Variants in PNPLA1 observed in about 807,000 individuals in gnomAD.
PNPLA1 encodes patatin like domain 1, omega-hydroxyceramide transacylase.
Under a neutral mutation model 51.7 loss-of-function variants are expected in PNPLA1, and 36 were observed. The ratio of observed to expected loss-of-function variants is 0.70; its 90% CI spans 0.53 to 0.92. The LOEUF (loss-of-function observed/expected upper bound fraction) is 0.92. Among genes scored for constraint, PNPLA1 ranks in the 40% least tolerant of loss-of-function variants. The pLI, the probability that PNPLA1 is intolerant of heterozygous loss-of-function variation, is 0.00. For synonymous variants in PNPLA1, 293 were observed against 280.1 expected, an observed-to-expected ratio of 1.05 and a Z score of -0.46; for missense variants, 658 against 682.5, an observed-to-expected ratio of 0.96 and a Z score of 0.40.
intron 1 of PNPLA1, among the ~76,000 whole-genome samples, chr6:36,271,286 C>G (rs1769909032): frequency 6.6e-6 from 1 of 152,182 alleles, no homozygotes; most frequent in South Asian, 2.1e-4. Context: ...AACTGCTACA[C>G]TGCTAACCCA....
In PNPLA1 at chr6:36,302,319, G is replaced by A. The variant is rs778144427; in HGVS notation, c.1234G>A (p.Ala412Thr). The change falls in exon 6 of 9, where the codon GCC becomes ACC. Residue 412 changes from alanine (A) to threonine (T), a missense_variant. Coordinates refer to ENST00000636260, the MANE Select transcript of PNPLA1 (RefSeq NM_001374623.1). ...QQQVQPSGSP[A>T]RSLHSQAPTS... ...GCAGGTACAACCGTCTGGATCACCA[G>A]CCAGATCCCTACACTCTCAGGCACC... The A allele has an allele frequency of 1.9e-6, 3 of 1,614,032 alleles. No individual in the cohort carries two copies. Among genetic ancestry groups the A allele is most frequent in the South Asian group, 2.2e-5 (2 of 91,080 alleles).
At chr6:36,260,206 C>T (rs1177716105) in intron 1 of PNPLA1, among the ~76,000 whole-genome samples, 1 of 151,958 alleles carries the variant, frequency 6.6e-6, no homozygotes, top group African/African-American at 2.4e-5. Flanking sequence ...AGGAGGATTG[C>T]TTGAGCCCAA....
chr6:36,260,514 G>A (rs931588644), intron 1 of PNPLA1, among the ~76,000 whole-genome samples: 3 of 152,176 alleles, frequency 2.0e-5, no homozygotes, highest in Non-Finnish European at 2.9e-5. Context: ...TTCAGAAGGT[G>A]CAAAAGTATT....
At chr6:36,305,744 T>C (rs1771209573) in intron 6 of PNPLA1, among the ~76,000 whole-genome samples, 1 of 151,412 alleles carries the variant, frequency 6.6e-6, no homozygotes, top group South Asian at 2.1e-4. Context: ...TTCTTTTCTT[T>C]TCCTTATTTT....
rs774930123 is a variant in PNPLA1 at position 36,293,076 on chromosome 6, T to A, written c.454T>A (p.Cys152Ser). Residue 152 changes from cysteine to serine, a missense_variant, in exon 3 of 9, where the codon TGC becomes AGC. Cys to Ser is a moderately radical substitution (Grantham distance 112, BLOSUM62 -1). Transcript: ENST00000636260. ...EELIEALYCS[C>S]FVPVYCGLIP... is the part of the protein sequence containing the mutation. The stretch of plus-strand genomic sequence containing the variant: ...CTCCGCACAGGCCCTATACTGCAGC[T>A]GCTTCGTCCCGGTGTACTGTGGCCT... The A allele has an allele frequency of 2.5e-6, 4 of 1,614,062 alleles. No individual in the cohort carries two copies. The highest frequency in any genetic ancestry group is 1.7e-5 in the Admixed American group (1 of 60,012).
chr6:36,259,614 T>C (rs893750818), intron 1 of PNPLA1, among the ~76,000 whole-genome samples: 1 of 151,164 alleles, frequency 6.6e-6, no homozygotes, highest in African/African-American at 2.4e-5. Flanking sequence ...AAAAAAACAC[T>C]GTGAGAACCT....
intron 1 of PNPLA1, among the ~76,000 whole-genome samples, chr6:36,244,701 A>G (rs1379639871): frequency 9.2e-5 from 14 of 152,236 alleles, no homozygotes; most frequent in Admixed American, 9.2e-4. Context: ...AAATCTGCTC[A>G]CAGACTTAAC....
chr6:36,279,959 G>A (rs1174893486), intron 1 of PNPLA1, among the ~76,000 whole-genome samples: 1 of 152,220 alleles, frequency 6.6e-6, no homozygotes, highest in East Asian at 1.9e-4. Flanking sequence ...TGTAATCCCA[G>A]CACTTTGGGA....
upstream of PNPLA1, among the ~76,000 whole-genome samples, chr6:36,267,558 C>T (rs917756505): frequency 6.6e-6 from 1 of 152,204 alleles, no homozygotes; most frequent in African/African-American, 2.4e-5. Context: ...GGGGCCATGT[C>T]AGGATGCACT....
chr6:36,276,079 C>A (rs1582054471), intron 1 of PNPLA1, among the ~76,000 whole-genome samples: 1 of 152,060 alleles, frequency 6.6e-6, no homozygotes, highest in Non-Finnish European at 1.5e-5. Flanking sequence ...CTGCCTCAGC[C>A]TCCCGAGTAG....
intron 5 of PNPLA1, among the ~76,000 whole-genome samples, chr6:36,296,067 G>A (rs1286219911): frequency 6.6e-6 from 1 of 152,166 alleles, no homozygotes; most frequent in Non-Finnish European, 1.5e-5. Flanking sequence ...TCTCAGCACT[G>A]TAGGAGGGCA....
At chr6:36,285,472 C>A (rs561257034) in intron 1 of PNPLA1, among the ~76,000 whole-genome samples, 22 of 152,326 alleles carry the variant, frequency 1.4e-4, no homozygotes, top group African/African-American at 5.1e-4. Flanking sequence ...AAATTATCAG[C>A]CCCAACTGCC....
At chr6:36,279,074 C>T (rs1166428632) in intron 1 of PNPLA1, among the ~76,000 whole-genome samples, 5 of 152,176 alleles carry the variant, frequency 3.3e-5, no homozygotes, top group African/African-American at 1.2e-4. Flanking sequence ...GAGTTCCAGG[C>T]TGACAGGTCT....
At chr6:36,273,757 A>G (rs1415983653) in intron 1 of PNPLA1, among the ~76,000 whole-genome samples, 1 of 145,894 alleles carries the variant, frequency 6.9e-6, no homozygotes, top group East Asian at 2.0e-4. Context: ...AAAAAAGATG[A>G]AGAAAGAAAG....
intron 5 of PNPLA1, among the ~76,000 whole-genome samples, chr6:36,297,367 G>C (rs955668708): frequency 6.6e-6 from 1 of 152,076 alleles, no homozygotes; most frequent in Admixed American, 6.5e-5. Flanking sequence ...AGGAACTACT[G>C]ACACATACTG....
intron 1 of PNPLA1, among the ~76,000 whole-genome samples, chr6:36,250,641 C>T (rs1174755374): frequency 6.6e-6 from 1 of 152,100 alleles, no homozygotes. Context: ...AAGAGATAAC[C>T]GTCTTTAAGG....
intron 1 of PNPLA1, among the ~76,000 whole-genome samples, chr6:36,272,702 G>A (rs1284729881): frequency 6.6e-6 from 1 of 152,272 alleles, no homozygotes; most frequent in Non-Finnish European, 1.5e-5. Context: ...GAGCCAGTGA[G>A]ACTTTCTGAA....
intron 5 of PNPLA1, among the ~76,000 whole-genome samples, chr6:36,295,914 G>A (rs1253498450): frequency 1.3e-5 from 2 of 152,288 alleles, no homozygotes; most frequent in African/African-American, 4.8e-5. Context: ...TTGGAATGGT[G>A]GTCCCTCCAC....
chr6:36,266,416 A>G (rs1012681431), upstream of PNPLA1, among the ~76,000 whole-genome samples: 1 of 152,226 alleles, frequency 6.6e-6, no homozygotes, highest in Non-Finnish European at 1.5e-5. Context: ...AGATCCGCAC[A>G]CCATATGCTC....
Sources: allele counts gnomAD v4.1 joint callset (sites outside exome capture counted in the v4.1 genomes callset), GRCh38; gene constraint gnomAD v4.1.1; transcripts MANE v1.5; gene names NCBI Gene and HGNC (gene_info 2026-07-23, HGNC 2026-07-21).